PRH1: variants seen among roughly 807,000 people sequenced by gnomAD.
PRH1 encodes the protein salivary acidic proline-rich phosphoprotein 1/2.
PRH1 carries 7 observed loss-of-function variants against 7.9 expected under a neutral mutation model. The ratio of observed to expected loss-of-function variants is 0.89; its 90% CI spans 0.50 to 1.67. The LOEUF is 1.67. Among genes scored for constraint, PRH1 ranks in the 40% most tolerant of loss-of-function variants. PRH1 has a pLI of 0.00. For synonymous variants in PRH1, 45 were observed against 80.8 expected (o/e 0.56, Z 2.38); for missense variants, 109 against 223.6 (o/e 0.49, Z 3.27).
At chr12:10,992,094 C>T (rs1939961438) in intron 1 of PRH1, among the ~76,000 whole-genome samples, 1 of 152,082 alleles carries the variant, frequency 6.6e-6, no homozygotes, top group African/African-American at 2.4e-5. Flanking sequence ...ATCAAAAACC[C>T]TTAGCCAGTT....
chr12:10,992,394 T>C (rs1939975309), intron 1 of PRH1, among the ~76,000 whole-genome samples: 1 of 136,054 alleles, frequency 7.4e-6, no homozygotes, highest in African/African-American at 2.4e-5. Context: ...GGCTTTGTTT[T>C]CGGTTGTTCG....
chr12:11,134,653 CTTGGG>C (rs746133182), intron 1 of PRH1: 5 of 184,402 alleles, frequency 2.7e-5, no homozygotes, highest in Non-Finnish European at 5.7e-5. Flanking sequence ...ACTTCAGTTG[CTTGGG>C]AAGTTTTATA....
intron 1 of PRH1, chr12:11,031,229 A>T: frequency 6.2e-7 from 1 of 1,614,132 alleles, no homozygotes; most frequent in Non-Finnish European, 8.5e-7. Flanking sequence ...TTGTCTCTTG[A>T]CCCGCTCAAT....
At position 11,123,808 on chromosome 12, in the gene PRH1, T is replaced by C. The variant is rs1279128704; in HGVS notation, n.40-2628A>G. Reference sequence around the variant, plus strand: ...CCATCTAACTGGTTAACTCTGTCTATTGGATTCTCAATATTGATAATTCAT... The same window carrying C: ...CCATCTAACTGGTTAACTCTGTCTACTGGATTCTCAATATTGATAATTCAT... On this transcript the variant is annotated intron_variant and non_coding_transcript_variant, in intron 1 of 1. Transcript: ENST00000541175. 2.6e-5 allele frequency among the ~76,000 whole-genome samples: 4 copies of C among 152,220 alleles called. 1 individual carries two copies. The South Asian group carries it at 6.2e-4, about 24-fold the overall frequency.
At chr12:11,094,338 C>G (rs1217757312) in intron 1 of PRH1, among the ~76,000 whole-genome samples, 1 of 97,636 alleles carries the variant, frequency 1.0e-5, no homozygotes, top group African/African-American at 3.6e-5. Context: ...CGACGTCAAA[C>G]GACATGTGAG....
intron 1 of PRH1, among the ~76,000 whole-genome samples, chr12:10,976,028 A>T (rs1939079085): frequency 6.6e-6 from 1 of 152,172 alleles, no homozygotes; most frequent in South Asian, 2.1e-4. Context: ...CAGAAAACTG[A>T]CAAAGGTACT....
At chr12:11,088,145 A>C (rs1298607950) in intron 1 of PRH1, among the ~76,000 whole-genome samples, 1 of 129,666 alleles carries the variant, frequency 7.7e-6, no homozygotes. Flanking sequence ...GTTTGAGACC[A>C]GCCTGGGTAA....
chr12:11,127,104 C>A (rs1418056271), intron 1 of PRH1, among the ~76,000 whole-genome samples: 1 of 152,220 alleles, frequency 6.6e-6, no homozygotes, highest in East Asian at 1.9e-4. Context: ...CAGGAAAGCA[C>A]CGGGGAATGC....
chr12:11,154,623 C>G (rs1232753627), intron 1 of PRH1, among the ~76,000 whole-genome samples: 2 of 152,144 alleles, frequency 1.3e-5, no homozygotes, highest in Admixed American at 1.3e-4. Flanking sequence ...TGAAGTCACC[C>G]AGGGAATCTC....
chr12:10,945,172 T>A (rs1356094836), intron 2 of PRH1, among the ~76,000 whole-genome samples: 1 of 152,220 alleles, frequency 6.6e-6, no homozygotes, highest in Non-Finnish European at 1.5e-5. Flanking sequence ...TGGCTGTGAA[T>A]CCAGCAGGTC....
chr12:10,926,229 A>C (rs1180615557), intron 2 of PRH1, among the ~76,000 whole-genome samples: 1 of 152,210 alleles, frequency 6.6e-6, no homozygotes, highest in Non-Finnish European at 1.5e-5. Flanking sequence ...GATACAGTGA[A>C]TACAATAATT....
At chr12:11,099,206 C>T (rs1945155307) in intron 1 of PRH1, among the ~76,000 whole-genome samples, 1 of 152,156 alleles carries the variant, frequency 6.6e-6, no homozygotes, top group South Asian at 2.1e-4. Context: ...AATTACTACA[C>T]TTTGCATAGA....
intron 1 of PRH1, among the ~76,000 whole-genome samples, chr12:10,984,770 A>G (rs1201540760): frequency 6.6e-6 from 1 of 152,088 alleles, no homozygotes; most frequent in African/African-American, 2.4e-5. Flanking sequence ...TTTTCTTCCT[A>G]TAATAGAACT....
upstream of PRH1, among the ~76,000 whole-genome samples, chr12:10,885,725 C>G (rs143649852): frequency 4.0e-3 from 605 of 152,318 alleles, 2 homozygotes; most frequent in African/African-American, 0.014. Flanking sequence ...CCATTTCAGA[C>G]CTTGAGTAGG....
chr12:10,897,051 T>C (rs1264480320), intron 2 of PRH1: 2 of 152,146 alleles, frequency 1.3e-5, no homozygotes. Flanking sequence ...GCAGAGGCCA[T>C]GTGCAGGCCC....
intron 1 of PRH1, among the ~76,000 whole-genome samples, chr12:11,094,782 G>C (rs1018065556): frequency 8.7e-6 from 1 of 114,920 alleles, no homozygotes; most frequent in Admixed American, 8.8e-5. Flanking sequence ...ACAAAACTGG[G>C]AAATTCCACA....
intron 1 of PRH1, among the ~76,000 whole-genome samples, chr12:11,057,075 T>G (rs373406416): frequency 6.6e-6 from 1 of 152,010 alleles, no homozygotes; most frequent in African/African-American, 2.4e-5. Context: ...GGCAGGATCA[T>G]AGCCCACTAC....
intron 1 of PRH1, chr12:10,986,973 T>C: frequency 1.3e-6 from 1 of 747,234 alleles, no homozygotes; most frequent in Non-Finnish European, 2.0e-6. Context: ...TGCAGTAACA[T>C]TCTTTTTACT....
intron 1 of PRH1, among the ~76,000 whole-genome samples, chr12:11,123,118 C>T (rs1213746051): frequency 1.3e-5 from 2 of 152,200 alleles, no homozygotes; most frequent in African/African-American, 4.8e-5. Context: ...TTCCTGGACT[C>T]AACATTATGT....
Sources: allele counts gnomAD v4.1 joint callset (sites outside exome capture counted in the v4.1 genomes callset), GRCh38; gene constraint gnomAD v4.1.1; transcripts MANE v1.5; gene names NCBI Gene and HGNC (gene_info 2026-07-23, HGNC 2026-07-21).